Variants in LMAN2L observed in about 807,000 individuals in gnomAD.
LMAN2L encodes the protein VIP36-like protein.
In LMAN2L, 30 loss-of-function variants were observed where a neutral mutation model predicts 44.3. The observed-to-expected ratio is 0.68, with a 90% CI of 0.51 to 0.92. The LOEUF (loss-of-function observed/expected upper bound fraction) is 0.92, where lower values mean the gene tolerates loss of function less well. Among genes scored for constraint, LMAN2L ranks in the 40% least tolerant of loss-of-function variants. The pLI is 0.00. For synonymous variants in LMAN2L, 183 were observed against 171.1 expected (o/e 1.07, Z -0.54); for missense variants, 429 against 446.1 (o/e 0.96, Z 0.35).
chr2:96,727,069 G>A (rs999614548), intron 4 of LMAN2L, among the ~76,000 whole-genome samples: 13 of 152,138 alleles, frequency 8.5e-5, no homozygotes, highest in South Asian at 6.2e-4. Flanking sequence ...AGGTGACAGA[G>A]CGAGACTCTA....
chr2:96,713,923 G>A (rs1444442334), intron 4 of LMAN2L, among the ~76,000 whole-genome samples: 2 of 152,192 alleles, frequency 1.3e-5, no homozygotes, highest in African/African-American at 4.8e-5. Flanking sequence ...GCTCAGCTCA[G>A]CTCTGCCCTG....
intron 1 of LMAN2L, among the ~76,000 whole-genome samples, chr2:96,739,622 G>A (rs1217141172): frequency 1.3e-5 from 2 of 152,014 alleles, no homozygotes; most frequent in African/African-American, 4.8e-5. Flanking sequence ...AGTACTAGTG[G>A]CACCCGACAG....
At chr2:96,730,841 A>G (rs146950220) in intron 4 of LMAN2L, among the ~76,000 whole-genome samples, 1 of 151,920 alleles carries the variant, frequency 6.6e-6, no homozygotes, top group African/African-American at 2.4e-5. Context: ...CACCTGACTA[A>G]TTTTTGTATT....
chr2:96,713,204 G>C, intron 4 of LMAN2L: 1 of 1,365,462 alleles, frequency 7.3e-7, no homozygotes, highest in Non-Finnish European at 1.0e-6. Context: ...GACCAAGTCA[G>C]AAAGACACAG....
chr2:96,710,386 C>T (rs1422328423), intron 6 of LMAN2L, among the ~76,000 whole-genome samples: 1 of 152,144 alleles, frequency 6.6e-6, no homozygotes, highest in Non-Finnish European at 1.5e-5. Context: ...CCAGATTATC[C>T]AGGCTGGGCT....
chr2:96,716,214 A>G (rs2078037764), intron 4 of LMAN2L, among the ~76,000 whole-genome samples: 2 of 152,238 alleles, frequency 1.3e-5, no homozygotes, highest in South Asian at 4.1e-4. Context: ...TTAAAATACA[A>G]TAATGACAGA....
At chr2:96,712,994 C>A in intron 4 of LMAN2L, 2 of 852,328 alleles carry the variant, frequency 2.3e-6, no homozygotes, top group South Asian at 1.5e-5. Flanking sequence ...GAGATGCAGT[C>A]GAGACCAGAG....
rs773062408 is a variant in LMAN2L, at chr2:96,734,420, C to T, written c.413G>A (p.Arg138Gln). The change falls in exon 3 of 8, where the codon CGG becomes CAG. Residue 138 changes from arginine to glutamine, a missense_variant. Transcript: ENST00000264963. ...DGLAIWYTKD[R>Q]MQPGPVFGNM... The stretch of plus-strand genomic sequence containing the variant: ...CAGGCTCCCAATACCTGGCTGCATC[C>T]GATCCTTTGTGTACCAGATTGCCAA... 1.0e-5 allele frequency: 16 copies of T among 1,603,628 alleles called. No homozygotes were observed. In the East Asian group the frequency reaches 1.1e-4, roughly 11 times the overall value.
At chr2:96,723,960 G>T (rs986117909) in intron 4 of LMAN2L, among the ~76,000 whole-genome samples, 1 of 151,796 alleles carries the variant, frequency 6.6e-6, no homozygotes, top group African/African-American at 2.4e-5. Flanking sequence ...ATAGCCAGGC[G>T]TGGTGGCAGG....
At chr2:96,725,450 T>A (rs2078250169) in intron 4 of LMAN2L, among the ~76,000 whole-genome samples, 2 of 151,188 alleles carry the variant, frequency 1.3e-5, no homozygotes, top group African/African-American at 4.8e-5. Context: ...TTTTCTTTTT[T>A]TTTTTTTTTT....
chr2:96,738,106 C>A (rs1276891990), intron 1 of LMAN2L, 39 bp from the exon 2 acceptor site: 4 of 1,412,904 alleles, frequency 2.8e-6, no homozygotes, highest in African/African-American at 2.8e-5. Context: ...CTTTTCAACA[C>A]CAATCCATTC....
chr2:96,713,364 TC>T (rs1402987076), intron 4 of LMAN2L, among the ~76,000 whole-genome samples: 1 of 152,168 alleles, frequency 6.6e-6, no homozygotes, highest in African/African-American at 2.4e-5. Context: ...TGTACATTTT[TC>T]TGAGGAGAGG....
chr2:96,736,989 T>C, intron 2 of LMAN2L: 1 of 346,546 alleles, frequency 2.9e-6, no homozygotes, highest in Non-Finnish European at 5.5e-6. Context: ...TATCTACAAC[T>C]AATGAGAAAA....
At chr2:96,718,150 T>A (rs1311337609) in intron 4 of LMAN2L, among the ~76,000 whole-genome samples, 1 of 152,154 alleles carries the variant, frequency 6.6e-6, no homozygotes, top group Non-Finnish European at 1.5e-5. Flanking sequence ...CAGACAGGGT[T>A]TCACCATGTT....
In LMAN2L at chr2:96,707,213, A is replaced by G; in HGVS notation, c.*43T>C. On this transcript the variant is annotated 3_prime_UTR_variant, in exon 8 of 8. Coordinates refer to ENST00000264963, the MANE Select transcript of LMAN2L (RefSeq NM_030805.4). Reference sequence around the variant, plus strand: ...TCAGGCCAGTGCCTGCTCCTTCCATACCTCATGGGTGACAGTCACAAAAGT... The same window carrying G: ...TCAGGCCAGTGCCTGCTCCTTCCATGCCTCATGGGTGACAGTCACAAAAGT... 6.3e-7 allele frequency: 1 copy of G among 1,599,862 alleles called. No homozygotes were observed. The highest frequency in any genetic ancestry group is 8.5e-7 in the Non-Finnish European group (1 of 1,170,094).
At chr2:96,710,359 G>A (rs537750250) in intron 6 of LMAN2L, among the ~76,000 whole-genome samples, 1 of 152,316 alleles carries the variant, frequency 6.6e-6, no homozygotes, top group African/African-American at 2.4e-5. Flanking sequence ...AAGATCAGCA[G>A]ATTGCATTTT....
chr2:96,710,700 G>A (rs1197380530), intron 6 of LMAN2L, among the ~76,000 whole-genome samples: 1 of 152,010 alleles, frequency 6.6e-6, no homozygotes, highest in Non-Finnish European at 1.5e-5. Flanking sequence ...AACTGCTCTT[G>A]AAAAACTGGA....
At chr2:96,707,997 C>T (rs1201709329) in intron 6 of LMAN2L, among the ~76,000 whole-genome samples, 164 bp from the exon 7 acceptor site, 1 of 152,206 alleles carries the variant, frequency 6.6e-6, no homozygotes, top group Non-Finnish European at 1.5e-5. Flanking sequence ...GGATGGGGAA[C>T]AAGGCATATT....
In LMAN2L at chr2:96,720,503, G is replaced by C. The variant is rs137863356; in HGVS notation, c.508-8478C>G. On this transcript the variant is annotated intron_variant, in intron 4 of 7. Transcript: ENST00000264963. ...TTTTTTTTTTTTGATTTTTTGTAGA[G>C]ATGAGGACTTGCTATGTTGCCTAGG... Among the ~76,000 whole-genome samples the C allele has an allele frequency of 6.6e-5, 10 of 150,418 alleles. No individual in the cohort carries two copies. In the East Asian group the frequency reaches 1.9e-3, roughly 29 times the overall value.
Sources: gnomAD v4.1 joint callset for allele counts (sites outside exome capture counted in the v4.1 genomes callset) on GRCh38, gnomAD v4.1.1 for gene constraint, MANE v1.5 for transcripts, NCBI Gene and HGNC (gene_info 2026-07-23, HGNC 2026-07-21) for gene names.